The following CADPS variants were observed in gnomAD, a reference collection of about 807,000 sequenced individuals.
The protein encoded by CADPS is calcium-dependent secretion activator 1.
In CADPS, 57 loss-of-function variants were observed where a neutral mutation model predicts 167.3. The ratio of observed to expected loss-of-function variants is 0.34; its 90% confidence interval spans 0.28 to 0.42. CADPS has a LOEUF of 0.42. Ranked by LOEUF, CADPS falls within the 20% of genes least tolerant of loss-of-function variation. The probability of loss-of-function intolerance (pLI) is 1.00; values close to 1 mark genes in which losing one functional copy is unlikely to be tolerated. For synonymous variants in CADPS, 676 were observed against 635.3 expected, an observed-to-expected ratio of 1.06 and a Z score of -0.96; for missense variants, 1,414 against 1,738.1, an observed-to-expected ratio of 0.81 and a Z score of 3.32.
chr3:62,494,479 T>C (rs2151156543), intron 18 of CADPS, among the ~76,000 whole-genome samples: 1 of 152,316 alleles, frequency 6.6e-6, no homozygotes, highest in Admixed American at 6.5e-5. Context: ...TATTCTTTAG[T>C]TATTCAACTA....
chr3:62,452,190 A>G (rs2058144762), intron 26 of CADPS, among the ~76,000 whole-genome samples: 1 of 152,232 alleles, frequency 6.6e-6, no homozygotes, highest in Non-Finnish European at 1.5e-5. Context: ...AGGCATGATC[A>G]GTTCAAAAGG....
At chr3:62,837,210 A>G (rs1468888905) in intron 1 of CADPS, among the ~76,000 whole-genome samples, 2 of 152,300 alleles carry the variant, frequency 1.3e-5, no homozygotes, top group East Asian at 3.9e-4. Flanking sequence ...CCCATCTTAC[A>G]TAAGGAAACT....
intron 6 of CADPS, among the ~76,000 whole-genome samples, chr3:62,616,756 A>G (rs556080737): frequency 6.6e-6 from 1 of 152,166 alleles, no homozygotes; most frequent in Non-Finnish European, 1.5e-5. Flanking sequence ...CTTCCATTTT[A>G]CATATGAGGT....
chr3:62,853,532 G>C (rs2079033066), intron 1 of CADPS, among the ~76,000 whole-genome samples: 1 of 151,846 alleles, frequency 6.6e-6, no homozygotes, highest in African/African-American at 2.4e-5. Context: ...GGCTGAGGCA[G>C]GGGAATCACT....
At chr3:62,692,610 T>C (rs2079377169) in intron 3 of CADPS, among the ~76,000 whole-genome samples, 1 of 152,060 alleles carries the variant, frequency 6.6e-6, no homozygotes, top group African/African-American at 2.4e-5. Context: ...GCTATAGCCA[T>C]ATTTTAGAAA....
chr3:62,814,986 C>T (rs1393218704), intron 1 of CADPS, among the ~76,000 whole-genome samples: 1 of 152,176 alleles, frequency 6.6e-6, no homozygotes, highest in East Asian at 1.9e-4. Flanking sequence ...TTTTTGGTCC[C>T]TCTCTTAACA....
chr3:62,766,741 C>T (rs1162293163), intron 1 of CADPS, among the ~76,000 whole-genome samples: 1 of 152,112 alleles, frequency 6.6e-6, no homozygotes, highest in Non-Finnish European at 1.5e-5. Flanking sequence ...CTCATTCTTC[C>T]TCCTCACCCC....
chr3:62,640,569 T>A (rs774169352), intron 6 of CADPS, among the ~76,000 whole-genome samples: 3 of 152,198 alleles, frequency 2.0e-5, no homozygotes, highest in Non-Finnish European at 4.4e-5. Context: ...TTAGGGCATT[T>A]TATTTTCTCA....
chr3:62,559,649 C>A (rs1249103772), intron 9 of CADPS, among the ~76,000 whole-genome samples: 1 of 152,110 alleles, frequency 6.6e-6, no homozygotes, highest in African/African-American at 2.4e-5. Context: ...CATGCGCCAC[C>A]ATGTCTGGCT....
At chr3:62,806,608 C>T (rs561592807) in intron 1 of CADPS, among the ~76,000 whole-genome samples, 2 of 152,230 alleles carry the variant, frequency 1.3e-5, no homozygotes, top group African/African-American at 4.8e-5. Flanking sequence ...GTGTGTGTTA[C>T]TGGTCCCCTT....
At chr3:62,702,186 A>G (rs1299941710) in intron 3 of CADPS, among the ~76,000 whole-genome samples, 1 of 152,192 alleles carries the variant, frequency 6.6e-6, no homozygotes, top group Admixed American at 6.5e-5. Context: ...CTTCCAGGGC[A>G]TGTCCTTAAC....
chr3:62,694,723 T>C lies in CADPS; in HGVS notation c.889-32329A>G, dbSNP rs568432807. ...CAGCAAAGTAAGTGCAGCAACAGGC[T>C]TCTGCCCATAGAATTAACAGGTCCT... is the stretch of plus-strand genomic sequence containing the variant. On this transcript the variant is annotated intron_variant, in intron 3 of 29. Transcript: ENST00000383710. 2.0e-5 allele frequency among the ~76,000 whole-genome samples: 3 copies of C among 152,188 alleles called. No homozygotes were observed. In the East Asian group the frequency reaches 5.8e-4, roughly 29 times the overall value.
At chr3:62,791,368 T>C (rs1385365178) in intron 1 of CADPS, among the ~76,000 whole-genome samples, 3 of 152,202 alleles carry the variant, frequency 2.0e-5, no homozygotes, top group Admixed American at 1.3e-4. Flanking sequence ...GTGACTACCA[T>C]ATTGTGCAGC....
rs1202269651 is a variant in CADPS at position 62,412,145 on chromosome 3, G to A, written c.3778-8960C>T. On this transcript the variant is annotated intron_variant, in intron 28 of 29. Transcript: ENST00000383710. The surrounding 1 kb of genome is among the most constrained non-coding windows in gnomAD (Gnocchi z 4.1). ...AAGTGTCATTTTTAGTTGAGGGTAG[G>A]ATTTTTTTTTTTTTTTTTTAACGTC... 3.9e-5 allele frequency among the ~76,000 whole-genome samples: 4 copies of A among 103,636 alleles called. No individual in the cohort carries two copies. The highest frequency in any genetic ancestry group is 8.9e-5 in the Non-Finnish European group (4 of 44,782). 68.0% of individuals were successfully genotyped at this position (103,636 alleles called of 152,430 possible).
At chr3:62,660,157 CT>C (rs2072820152) in intron 4 of CADPS, among the ~76,000 whole-genome samples, 1 of 137,048 alleles carries the variant, frequency 7.3e-6, no homozygotes. Context: ...ACACCAGTTT[CT>C]TAAATTATCA....
intron 28 of CADPS, among the ~76,000 whole-genome samples, chr3:62,428,229 A>T (rs1198636667): frequency 5.4e-5 from 8 of 148,138 alleles, no homozygotes; most frequent in African/African-American, 2.0e-4. Flanking sequence ...GAAGTATTTA[A>T]GTTGAGCCTT....
intron 26 of CADPS, among the ~76,000 whole-genome samples, chr3:62,449,445 C>A (rs1458834820): frequency 6.6e-6 from 1 of 152,176 alleles, no homozygotes; most frequent in Non-Finnish European, 1.5e-5. Flanking sequence ...GGATGAGAAT[C>A]TTTTCCTGTA....
chr3:62,612,593 G>A (rs1427953880), intron 6 of CADPS, among the ~76,000 whole-genome samples: 2 of 152,178 alleles, frequency 1.3e-5, no homozygotes, highest in African/African-American at 4.8e-5. Context: ...GGGACTCATT[G>A]CTGAAGTCAA....
intron 28 of CADPS, among the ~76,000 whole-genome samples, chr3:62,405,397 C>A (rs1456815082): frequency 1.3e-5 from 2 of 151,348 alleles, no homozygotes; most frequent in African/African-American, 4.9e-5. Flanking sequence ...TGCCAGCAAG[C>A]CTTGTGCAAC....
Sources: gnomAD v4.1 joint callset for allele counts (sites outside exome capture counted in the v4.1 genomes callset) on GRCh38, gnomAD v4.1.1 for gene constraint, Gnocchi (gnomAD v3.1) non-coding constraint, MANE v1.5 for transcripts, NCBI Gene and HGNC (gene_info 2026-07-23, HGNC 2026-07-21) for gene names.